The following TRPM5 variants were observed in gnomAD, a reference collection of about 807,000 sequenced individuals.
TRPM5 encodes transient receptor potential cation channel subfamily M member 5, also known as MLSN1 and TRP-related.
A neutral mutation model predicts 124.9 loss-of-function variants in TRPM5; 121 were observed. The ratio of observed to expected loss-of-function variants is 0.97; its 90% CI spans 0.84 to 1.13. TRPM5 has a LOEUF of 1.13. TRPM5 is among the 50% of genes most tolerant of loss of function. TRPM5 has a pLI of 0.00. For missense variants in TRPM5, 1,643 were observed against 1,589.1 expected, an observed-to-expected ratio of 1.03 and a Z score of -0.58; for synonymous variants, 781 against 700.5, an observed-to-expected ratio of 1.11 and a Z score of -1.81.
chr11:2,417,722 C>A lies in TRPM5; in HGVS notation c.1009+5G>T, dbSNP rs768163372. ...GCCTGCCTTGCCCACCCTGCCCGCCCTCACCTTTCACCAGCGCCTTCAGGA... is the reference window on the plus strand; with the variant it reads ...GCCTGCCTTGCCCACCCTGCCCGCCATCACCTTTCACCAGCGCCTTCAGGA... On this transcript the variant is annotated splice_donor_5th_base_variant and intron_variant, in intron 7 of 23. Coordinates refer to ENST00000155858, the Ensembl canonical transcript of TRPM5. The A allele has an allele frequency of 2.6e-6, 4 of 1,568,114 alleles. No individual in the cohort carries two copies. The highest frequency in any genetic ancestry group is 2.3e-5 in the East Asian group (1 of 43,722).
chr11:2,441,397 A>T, the TRPM5 span, among the ~76,000 whole-genome samples: 2 of 148,750 alleles, frequency 1.3e-5, no homozygotes, highest in Non-Finnish European at 3.0e-5. The surrounding 1 kb of genome is among the most constrained non-coding windows in gnomAD (Gnocchi z 7.2). Flanking sequence ...ATCCACCCTT[A>T]CTCCCCCACC....
exon 12 of TRPM5, chr11:2,414,153 C>A: frequency 1.2e-6 from 2 of 1,609,310 alleles, no homozygotes; most frequent in Non-Finnish European, 1.7e-6. Context: ...TTCCGGCGCA[C>A]CAGCAGGGCG....
the TRPM5 span, among the ~76,000 whole-genome samples, chr11:2,442,483 G>A: frequency 6.6e-6 from 1 of 152,054 alleles, no homozygotes; most frequent in Non-Finnish European, 1.5e-5. This position sits in a 1 kb window ranked among gnomAD's most constrained non-coding sequence, Gnocchi z 5.9. Context: ...ACTCCATCGT[G>A]TGACTGTACC....
chr11:2,441,554 C>G, the TRPM5 span, among the ~76,000 whole-genome samples: 16 of 152,116 alleles, frequency 1.1e-4, no homozygotes, highest in Non-Finnish European at 2.1e-4. This position sits in a 1 kb window ranked among gnomAD's most constrained non-coding sequence, Gnocchi z 7.2. Context: ...TGAAGACAAT[C>G]CCTTGTCCAG....
intron 11 of TRPM5, among the ~76,000 whole-genome samples, chr11:2,414,468 C>T (rs989822875): frequency 5.3e-5 from 8 of 152,208 alleles, no homozygotes; most frequent in African/African-American, 1.9e-4. Flanking sequence ...CGGCAGGGCC[C>T]AGTGTATGCC....
At chr11:2,421,187 G>A in exon 3 of TRPM5, 1 of 1,539,364 alleles carries the variant, frequency 6.5e-7, no homozygotes. Flanking sequence ...GCACTGGTCA[G>A]GATCCAGGCT....
upstream of TRPM5, among the ~76,000 whole-genome samples, chr11:2,426,775 G>A (rs1030436939): frequency 2.6e-5 from 4 of 152,198 alleles, no homozygotes; most frequent in Non-Finnish European, 4.4e-5. Flanking sequence ...CCAGTCACAA[G>A]GGGAGGGTGC....
intron 7 of TRPM5, among the ~76,000 whole-genome samples, chr11:2,417,042 C>T (rs985567893): frequency 2.9e-4 from 44 of 152,248 alleles, no homozygotes; most frequent in Non-Finnish European, 4.3e-4. Flanking sequence ...TCGATGGTTC[C>T]CAGGGGCTGG....
chr11:2,410,401 C>T (rs1850421567), intron 18 of TRPM5, among the ~76,000 whole-genome samples: 1 of 146,706 alleles, frequency 6.8e-6, no homozygotes, highest in South Asian at 2.2e-4. Flanking sequence ...CCGTGCCGGG[C>T]AGCCCCAGCC....
At chr11:2,443,488 G>A in the TRPM5 span, among the ~76,000 whole-genome samples, 1 of 152,256 alleles carries the variant, frequency 6.6e-6, no homozygotes, top group Non-Finnish European at 1.5e-5. The surrounding 1 kb of genome is among the most constrained non-coding windows in gnomAD (Gnocchi z 5.0). Flanking sequence ...CCTCCCTTGT[G>A]TTATCACAGC....
exon 16 of TRPM5, chr11:2,412,155 G>C (rs1307489249): frequency 6.2e-7 from 1 of 1,613,464 alleles, no homozygotes; most frequent in South Asian, 1.1e-5. Context: ...CACCCACGAT[G>C]AACAGGAAGA....
chr11:2,419,274 T>A (rs1845732070), intron 4 of TRPM5, among the ~76,000 whole-genome samples: 1 of 152,044 alleles, frequency 6.6e-6, no homozygotes, highest in Non-Finnish European at 1.5e-5. Context: ...TCCGCCTGTG[T>A]CCCTAGAGTT....
rs760152144 is a variant in TRPM5 at position 2,407,213 on chromosome 11, G to A, written c.3024C>T (p.Pro1008=). 2.9e-5 allele frequency: 47 copies of A among 1,611,418 alleles called. 1 individual carries two copies. The Admixed American group carries it at 4.9e-4, about 17-fold the overall frequency. ...GCAGGATGAAGGGCGGGGCCAGGGCGGGGCGCTCGTGGTACTCCACAATCA... is the reference window on the plus strand; with the variant it reads ...GCAGGATGAAGGGCGGGGCCAGGGCAGGGCGCTCGTGGTACTCCACAATCA... Residue 1008 remains proline (P), a synonymous_variant, in exon 20 of 24, where the codon CCC becomes CCT. Transcript: ENST00000155858.
At chr11:2,443,350 C>T in the TRPM5 span, among the ~76,000 whole-genome samples, 1 of 152,226 alleles carries the variant, frequency 6.6e-6, no homozygotes. The surrounding 1 kb of genome is among the most constrained non-coding windows in gnomAD (Gnocchi z 5.0). Flanking sequence ...TATGTATGTT[C>T]ACCCGGAAAG....
exon 3 of TRPM5, chr11:2,421,124 G>A: frequency 6.5e-7 from 1 of 1,543,330 alleles, no homozygotes; most frequent in Admixed American, 2.0e-5. Context: ...GTGCTGGCCA[G>A]CGAGTGGTCG....
At chr11:2,415,301 C>A (rs767422141) in exon 9 of TRPM5, 2 of 1,580,750 alleles carry the variant, frequency 1.3e-6, no homozygotes, top group Non-Finnish European at 1.7e-6. Flanking sequence ...CCTGCTTCCG[C>A]TGCAGCAGGT....
At chr11:2,444,234 C>T in the TRPM5 span, among the ~76,000 whole-genome samples, 2 of 152,194 alleles carry the variant, frequency 1.3e-5, no homozygotes, top group African/African-American at 4.8e-5. Flanking sequence ...TCGCCGCCCG[C>T]AGCTCGCGCG....
Position 2,415,860 on chromosome 11 carries a change from G to T in TRPM5, c.1128+46C>A, listed in dbSNP as rs368152242. 49 of 1,389,624 alleles carry T rather than the reference G, an allele frequency of 3.5e-5. No individual in the cohort carries two copies. The South Asian group carries it at 5.6e-4, about 16-fold the overall frequency. 86.1% of individuals were successfully genotyped at this position (1,389,624 alleles called of 1,614,324 possible). ...CAGGAGCAGGCAGCGTGGGCAGCTCGGGCAGTGCCATGATGGGGAGGTGGG... is the reference window on the plus strand; with the variant it reads ...CAGGAGCAGGCAGCGTGGGCAGCTCTGGCAGTGCCATGATGGGGAGGTGGG... On this transcript the variant is annotated intron_variant, in intron 8 of 23. Coordinates refer to ENST00000155858, the Ensembl canonical transcript of TRPM5.
intron 18 of TRPM5, among the ~76,000 whole-genome samples, chr11:2,408,467 C>G (rs1344028138): frequency 1.3e-5 from 2 of 152,340 alleles, no homozygotes; most frequent in South Asian, 2.1e-4. Flanking sequence ...CCAGCAGGCT[C>G]CAGACTGGGC....
Sources: allele counts gnomAD v4.1 joint callset (sites outside exome capture counted in the v4.1 genomes callset), GRCh38; gene constraint gnomAD v4.1.1; non-coding constraint Gnocchi (gnomAD v3.1); transcripts MANE v1.5; gene names NCBI Gene and HGNC (gene_info 2026-07-23, HGNC 2026-07-21).